PRKAR1A: variants seen among roughly 807,000 people sequenced by gnomAD.
PRKAR1A encodes the protein protein kinase cAMP-dependent type I regulatory subunit alpha, also known as cAMP-dependent protein kinase type I-alpha regulatory subunit.
PRKAR1A carries 3 observed loss-of-function variants against 52.0 expected under a neutral mutation model. That is an observed-to-expected ratio of 0.06 (90% confidence interval 0.03 to 0.15). The LOEUF (loss-of-function observed/expected upper bound fraction) is 0.15. Ranked by LOEUF, PRKAR1A falls within the 10% of genes least tolerant of loss-of-function variation. The pLI is 1.00. For missense variants in PRKAR1A, 240 were observed against 477.4 expected, an observed-to-expected ratio of 0.50 and a Z score of 4.63; for synonymous variants, 188 against 168.4, an observed-to-expected ratio of 1.12 and a Z score of -0.90.
chr17:68,542,933 G>T, intron 11 of PRKAR1A: 1 of 746,856 alleles, frequency 1.3e-6, no homozygotes, highest in Non-Finnish European at 2.4e-6. Flanking sequence ...CCGGTGAGGC[G>T]TGACTCTGCA....
At chr17:68,486,549 CTT>C in the PRKAR1A span, among the ~76,000 whole-genome samples, 3 of 126,174 alleles carry the variant, frequency 2.4e-5, no homozygotes, top group South Asian at 2.5e-4. Flanking sequence ...TTCTTTCTTT[CTT>C]TCTTTCTTTC....
At chr17:68,470,896 C>T in the PRKAR1A span, among the ~76,000 whole-genome samples, 2 of 152,208 alleles carry the variant, frequency 1.3e-5, no homozygotes, top group South Asian at 2.1e-4. Flanking sequence ...AGAGAGGTGA[C>T]TGCCACCCCC....
At chr17:68,540,013 C>CA in intron 11 of PRKAR1A, 1 of 1,555,396 alleles carries the variant, frequency 6.4e-7, no homozygotes, top group Non-Finnish European at 8.9e-7. Flanking sequence ...GCCAGGGGGA[C>CA]AGGTGCTCCT....
At chr17:68,498,516 A>C in the PRKAR1A span, among the ~76,000 whole-genome samples, 2,725 of 152,290 alleles carry the variant, frequency 0.018, 99 homozygotes, top group African/African-American at 0.062. Flanking sequence ...AAATTGGAAA[A>C]GATAAGTTGG....
the PRKAR1A span, chr17:68,450,718 C>T: frequency 6.2e-7 from 1 of 1,602,042 alleles, no homozygotes; most frequent in South Asian, 1.1e-5. Flanking sequence ...TGAGGGATTT[C>T]CCCACTTACT....
chr17:68,526,019 ATTTC>A (rs1390777768), intron 7 of PRKAR1A, 107 bp downstream of exon 7: 11 of 1,383,284 alleles, frequency 8.0e-6, no homozygotes, highest in East Asian at 2.5e-5. Context: ...ATGAGCAAAT[ATTTC>A]TTTCTTTTAA....
chr17:68,436,623 A>T, the PRKAR1A span: 1 of 685,380 alleles, frequency 1.5e-6, no homozygotes, highest in Admixed American at 2.9e-5. Context: ...CTTTCCGCTG[A>T]TGATTCTTCT....
the PRKAR1A span, among the ~76,000 whole-genome samples, chr17:68,432,187 G>A: frequency 2.0e-5 from 3 of 152,152 alleles, no homozygotes; most frequent in Non-Finnish European, 1.5e-5. Flanking sequence ...GAAGGGAGCC[G>A]CCCCCAGTGT....
the PRKAR1A span, among the ~76,000 whole-genome samples, chr17:68,462,687 T>C: frequency 6.6e-6 from 1 of 152,182 alleles, no homozygotes; most frequent in East Asian, 1.9e-4. Context: ...TCCCTTCCAC[T>C]GGGTGCCCAG....
chr17:68,473,020 G>A, the PRKAR1A span, among the ~76,000 whole-genome samples: 1 of 152,052 alleles, frequency 6.6e-6, no homozygotes, highest in African/African-American at 2.4e-5. Flanking sequence ...TCACTTTTCT[G>A]CAAATTCATT....
At chr17:68,497,702 A>T in the PRKAR1A span, among the ~76,000 whole-genome samples, 1 of 152,208 alleles carries the variant, frequency 6.6e-6, no homozygotes, top group Non-Finnish European at 1.5e-5. Flanking sequence ...GATGAAAAAA[A>T]ACTGAAGCTT....
At chr17:68,443,733 A>G in the PRKAR1A span, among the ~76,000 whole-genome samples, 1 of 152,222 alleles carries the variant, frequency 6.6e-6, no homozygotes, top group Non-Finnish European at 1.5e-5. Context: ...ATGATACTAA[A>G]CTGAAATATA....
chr17:68,532,772 G>T lies in PRKAR1A; in HGVS notation c.*2323G>T. ...GATGAAATAATTTAAATTCTTAAAT[G>T]AATCAGTTTTTCTTCCCTTTCTCCT... On this transcript the variant is annotated 3_prime_UTR_variant, in exon 11 of 11. Transcript: ENST00000589228. 1 of 1,066,366 alleles carries T rather than the reference G, an allele frequency of 9.4e-7. No homozygotes were observed. Among genetic ancestry groups the T allele is most frequent in the Non-Finnish European group, 1.1e-6 (1 of 879,720 alleles). The allele number at this position is 1,066,366 out of a possible 1,614,324, so 66.1% of individuals were successfully genotyped here. A position where few individuals can be genotyped will look rare whatever the true frequency, so the allele number is the denominator to read the frequency against.
chr17:68,550,936 C>G, intron 11 of PRKAR1A: 1 of 565,348 alleles, frequency 1.8e-6, no homozygotes, highest in Non-Finnish European at 2.6e-6. Flanking sequence ...TTAGAACCAT[C>G]TACTGGGGCT....
chr17:68,459,740 T>A, the PRKAR1A span, among the ~76,000 whole-genome samples: 418 of 152,240 alleles, frequency 2.7e-3, 2 homozygotes, highest in African/African-American at 9.6e-3. Flanking sequence ...AAGGTAGAAA[T>A]AGGCAAATTA....
intron 11 of PRKAR1A, among the ~76,000 whole-genome samples, chr17:68,548,386 C>T (rs998519492): frequency 2.4e-4 from 37 of 152,208 alleles, no homozygotes; most frequent in African/African-American, 8.2e-4. Flanking sequence ...AAAAATTAGC[C>T]AGGTGTGGTG....
chr17:68,452,955 A>G, the PRKAR1A span: 1 of 1,613,978 alleles, frequency 6.2e-7, no homozygotes, highest in African/African-American at 1.3e-5. Context: ...CTCAGAGAAA[A>G]CAGCTTATAC....
At chr17:68,417,733 A>AT in the PRKAR1A span, among the ~76,000 whole-genome samples, 1,715 of 60,600 alleles carry the variant, frequency 0.028, 400 homozygotes, top group Middle Eastern at 0.083. Flanking sequence ...GAGTTGCTGA[A>AT]TTTTTTTTTT....
chr17:68,522,222 C>T (rs993738409), intron 2 of PRKAR1A, among the ~76,000 whole-genome samples: 8 of 152,102 alleles, frequency 5.3e-5, no homozygotes, highest in Admixed American at 6.6e-5. Flanking sequence ...TTTCCTGTTG[C>T]CTAGCATAGG....
Sources: allele counts gnomAD v4.1 joint callset (sites outside exome capture counted in the v4.1 genomes callset), GRCh38; gene constraint gnomAD v4.1.1; transcripts MANE v1.5; gene names NCBI Gene and HGNC (gene_info 2026-07-23, HGNC 2026-07-21).